UVRAG: variants seen among roughly 807,000 people sequenced by gnomAD.
The protein encoded by UVRAG is UV radiation resistance-associated gene protein.
A neutral mutation model predicts 78.0 loss-of-function variants in UVRAG; 19 were observed. The observed-to-expected ratio is 0.24, with a 90% CI of 0.17 to 0.36. The LOEUF (loss-of-function observed/expected upper bound fraction) is 0.36. UVRAG is among the 10% of genes least tolerant of loss of function. UVRAG has a pLI of 1.00. For synonymous variants in UVRAG, 323 were observed against 324.6 expected, an observed-to-expected ratio of 1.00 and a Z score of 0.05; for missense variants, 740 against 853.8, an observed-to-expected ratio of 0.87 and a Z score of 1.66.
rs1212014814 is a variant in UVRAG, at chr11:76,143,760, T to TA, written c.*2350dup. ...TTGTAGAGTTAGTATGGCCTCTGTT[T>TA]AAAGTGGCTGGGGCCAAAATAAGGG... On this transcript the variant is annotated 3_prime_UTR_variant, in exon 15 of 15. Transcript: ENST00000356136. Among the ~76,000 whole-genome samples the TA allele has an allele frequency of 3.3e-5, 5 of 152,366 alleles. No homozygotes were observed. The highest frequency in any genetic ancestry group is 1.9e-4 in the East Asian group (1 of 5,190).
intron 6 of UVRAG, among the ~76,000 whole-genome samples, chr11:75,946,135 T>C (rs1948584543): frequency 6.6e-6 from 1 of 152,192 alleles, no homozygotes; most frequent in Non-Finnish European, 1.5e-5. Flanking sequence ...GTTTATTGCA[T>C]GAATATGTAA....
intron 8 of UVRAG, among the ~76,000 whole-genome samples, chr11:76,002,616 G>A (rs1949837462): frequency 6.6e-6 from 1 of 152,190 alleles, no homozygotes; most frequent in African/African-American, 2.4e-5. Context: ...GGGATAGAGG[G>A]TGTCAACCTA....
At chr11:76,136,555 C>A (rs1952600592) in intron 14 of UVRAG, among the ~76,000 whole-genome samples, 1 of 148,820 alleles carries the variant, frequency 6.7e-6, no homozygotes, top group Non-Finnish European at 1.5e-5. Flanking sequence ...GTCGTCCAGG[C>A]TAAAGTGCAG....
chr11:75,906,641 C>A (rs1565373326), intron 5 of UVRAG, among the ~76,000 whole-genome samples: 1 of 152,178 alleles, frequency 6.6e-6, no homozygotes, highest in Non-Finnish European at 1.5e-5. Context: ...AGCCACCGTG[C>A]CTGGCCAGCT....
chr11:76,018,517 T>C (rs906169451), intron 12 of UVRAG, among the ~76,000 whole-genome samples: 1 of 152,114 alleles, frequency 6.6e-6, no homozygotes, highest in African/African-American at 2.4e-5. Context: ...TCAACAATTC[T>C]CCTGCCTCAG....
intron 6 of UVRAG, among the ~76,000 whole-genome samples, chr11:75,926,693 T>A (rs1207522470): frequency 6.6e-6 from 1 of 152,090 alleles, no homozygotes; most frequent in Non-Finnish European, 1.5e-5. Context: ...TTAATTTGGG[T>A]CCCAGTTTAC....
rs192303811 is a variant in UVRAG, at chr11:75,974,934, A to G, written c.700-8453A>G. On this transcript the variant is annotated intron_variant, in intron 7 of 14. Coordinates refer to ENST00000356136, the MANE Select transcript of UVRAG (RefSeq NM_003369.4). ...TTGTTGCTGTTGCTTTTGGTGTTTTAGACATGAAGTCCTTGCCCATGCCTT... is the reference window on the plus strand; with the variant it reads ...TTGTTGCTGTTGCTTTTGGTGTTTTGGACATGAAGTCCTTGCCCATGCCTT... Among the ~76,000 whole-genome samples, 260 of 152,254 alleles carry G rather than the reference A, an allele frequency of 1.7e-3. 2 individuals are homozygous for G. Among genetic ancestry groups the G allele is most frequent in the African/African-American group, 6.0e-3 (251 of 41,540 alleles).
At chr11:75,874,902 C>T (rs989768992) in intron 3 of UVRAG, among the ~76,000 whole-genome samples, 11 of 152,196 alleles carry the variant, frequency 7.2e-5, no homozygotes, top group African/African-American at 2.7e-4. Flanking sequence ...AGAGGAAAGG[C>T]TGAAGCTACG....
At position 76,101,413 on chromosome 11, in the gene UVRAG, T is replaced by C. The variant is rs139485742; in HGVS notation, c.1306-14511T>C. On this transcript the variant is annotated intron_variant, in intron 13 of 14. Transcript: ENST00000356136. ...CTTTTGAACAGACACTTTTAAAAAGTGTCTGTTCATGTCCTTTGCTCTCTT... is the reference window on the plus strand; with the variant it reads ...CTTTTGAACAGACACTTTTAAAAAGCGTCTGTTCATGTCCTTTGCTCTCTT... Among the ~76,000 whole-genome samples, 453 of 152,216 alleles carry C rather than the reference T, an allele frequency of 3.0e-3. 6 individuals are homozygous for C. The highest frequency in any genetic ancestry group is 0.01 in the African/African-American group (433 of 41,562).
At position 76,016,864 on chromosome 11, in the gene UVRAG, G is replaced by T. The variant is rs1449742542; in HGVS notation, c.1110G>T (p.Leu370=). ...TTGCCCTTGGTTATACTGCACATCT[G>T]GTCTCCATGATTTCCTTTTTCCTAC... is the stretch of plus-strand genomic sequence containing the variant. ...IAVALGYTAH[L]VSMISFFLQV... is the part of the protein sequence containing the mutation. The change falls in exon 12 of 15, where the codon CTG becomes CTT. Residue 370 remains leucine, a synonymous_variant. Coordinates refer to ENST00000356136, the MANE Select transcript of UVRAG (RefSeq NM_003369.4). 1 of 1,612,036 alleles carries T rather than the reference G, an allele frequency of 6.2e-7. No individual in the cohort carries two copies. Among genetic ancestry groups the T allele is most frequent in the Non-Finnish European group, 8.5e-7 (1 of 1,178,796 alleles).
chr11:76,127,337 A>G (rs1212095412), intron 14 of UVRAG, among the ~76,000 whole-genome samples: 2 of 152,208 alleles, frequency 1.3e-5, no homozygotes, highest in Non-Finnish European at 2.9e-5. Flanking sequence ...AGACAGAATG[A>G]AGGAGTTAAA....
chr11:76,047,807 G>A (rs530518670), intron 12 of UVRAG, among the ~76,000 whole-genome samples: 3 of 152,310 alleles, frequency 2.0e-5, no homozygotes, highest in South Asian at 4.1e-4. Context: ...CTGTGAAGAT[G>A]CTTTTCAGAA....
chr11:76,125,922 C>A (rs1273085256), intron 14 of UVRAG, among the ~76,000 whole-genome samples: 1 of 150,430 alleles, frequency 6.6e-6, no homozygotes, highest in African/African-American at 2.4e-5. Context: ...ATGAGCCATA[C>A]ATATAAATTT....
intron 7 of UVRAG, among the ~76,000 whole-genome samples, chr11:75,964,693 G>A (rs1400695379): frequency 6.6e-6 from 1 of 152,200 alleles, no homozygotes; most frequent in Non-Finnish European, 1.5e-5. Context: ...ACGAGGTCAG[G>A]AGTTCGAGAC....
chr11:76,137,635 A>C (rs775584399), intron 14 of UVRAG: 8 of 366,306 alleles, frequency 2.2e-5, no homozygotes, highest in Non-Finnish European at 4.3e-5. Flanking sequence ...CCTGTGGCTC[A>C]CACCTGTAAT....
chr11:75,815,431 G>A lies in UVRAG; in HGVS notation c.24G>A (p.Gly8=). The A allele has an allele frequency of 1.6e-6, 2 of 1,249,002 alleles. No individual in the cohort carries two copies. Among genetic ancestry groups the A allele is most frequent in the Non-Finnish European group, 2.0e-6 (2 of 995,990 alleles). 77.4% of individuals were successfully genotyped at this position (1,249,002 alleles called of 1,614,324 possible). Residue 8 remains glycine, a synonymous_variant, in exon 1 of 15, where the codon GGG becomes GGA. Coordinates refer to ENST00000356136, the MANE Select transcript of UVRAG (RefSeq NM_003369.4). ...AGATGAGCGCCTCCGCGTCGGTCGGGGGCCCCGTCCCCCAGCCACCCCCGG... is the reference window on the plus strand; with the variant it reads ...AGATGAGCGCCTCCGCGTCGGTCGGAGGCCCCGTCCCCCAGCCACCCCCGG... MSASASV[G]GPVPQPPPGP...
intron 6 of UVRAG, among the ~76,000 whole-genome samples, chr11:75,958,491 C>G (rs1193274254): frequency 6.6e-6 from 1 of 152,142 alleles, no homozygotes; most frequent in East Asian, 1.9e-4. Context: ...CTCATCCAGT[C>G]AAGTTTGATC....
chr11:75,995,263 C>G (rs796131535), intron 8 of UVRAG, among the ~76,000 whole-genome samples: 6 of 150,896 alleles, frequency 4.0e-5, no homozygotes, highest in African/African-American at 1.2e-4. Flanking sequence ...TGGGAATGAC[C>G]TATTAGAATT....
intron 14 of UVRAG, among the ~76,000 whole-genome samples, chr11:76,118,233 G>A (rs1378801327): frequency 2.6e-5 from 4 of 152,144 alleles, no homozygotes; most frequent in Non-Finnish European, 4.4e-5. Context: ...TCTGGCTGAT[G>A]TACAGGAATA....
Sources: gnomAD v4.1 joint callset for allele counts (sites outside exome capture counted in the v4.1 genomes callset) on GRCh38, gnomAD v4.1.1 for gene constraint, MANE v1.5 for transcripts, NCBI Gene and HGNC (gene_info 2026-07-23, HGNC 2026-07-21) for gene names.